ST14: variants seen among roughly 807,000 people sequenced by gnomAD.
ST14 encodes suppressor of tumorigenicity 14 protein.
ST14 carries 40 observed loss-of-function variants against 96.5 expected under a neutral mutation model. The ratio of observed to expected loss-of-function variants is 0.41; its 90% CI spans 0.32 to 0.54. The LOEUF is 0.54. Ranked by LOEUF, ST14 falls within the 20% of genes least tolerant of loss-of-function variation. The pLI is 0.17. For missense variants in ST14, 1,066 were observed against 1,188.9 expected (o/e 0.90, Z 1.52); for synonymous variants, 506 against 492.1 (o/e 1.03, Z -0.37).
chr11:130,196,618 G>C lies in ST14; in HGVS notation c.1272G>C (p.Lys424Asn). 6.2e-7 allele frequency: 1 copy of C among 1,611,812 alleles called. No individual in the cohort carries two copies. The highest frequency in any genetic ancestry group is 1.1e-5 in the South Asian group (1 of 91,020). Reference sequence around the variant, plus strand: ...TCGTCGTCACCAGCAACAGCAACAAGATCACAGTTCGCTTCCACTCAGATC... The same window carrying C: ...TCGTCGTCACCAGCAACAGCAACAACATCACAGTTCGCTTCCACTCAGATC... Reference protein sequence around the residue: ...SQFVVTSNSNKITVRFHSDQS... With the variant: ...SQFVVTSNSNNITVRFHSDQS... Residue 424 changes from lysine to asparagine, a missense_variant, in exon 11 of 19, where the codon AAG (lysine) becomes AAC (asparagine). By Grantham distance (94) the Lys-to-Asn change is moderately conservative. Coordinates refer to ENST00000278742, the MANE Select transcript of ST14 (RefSeq NM_021978.4).
At chr11:130,179,901 G>A (rs1019664720) in intron 1 of ST14, among the ~76,000 whole-genome samples, 2 of 152,150 alleles carry the variant, frequency 1.3e-5, no homozygotes, top group Non-Finnish European at 2.9e-5. Flanking sequence ...GTGCTGGCTC[G>A]GTCTTTCCCT....
chr11:130,198,067 G>T, intron 12 of ST14, 122 bp downstream of exon 12: 1 of 1,077,654 alleles, frequency 9.3e-7, no homozygotes. Context: ...TTTGCTCTCG[G>T]CCCTGTGTAG....
intron 1 of ST14, among the ~76,000 whole-genome samples, chr11:130,165,653 G>C (rs183167237): frequency 6.6e-6 from 1 of 152,260 alleles, no homozygotes; most frequent in Admixed American, 6.5e-5. Context: ...GTGGTGGTGG[G>C]GATGATGATG....
In ST14 at chr11:130,188,657, G is replaced by A. The variant is rs951566005; in HGVS notation, c.369G>A (p.Ala123=). The A allele has an allele frequency of 3.1e-6, 5 of 1,614,182 alleles. No homozygotes were observed. In the East Asian group the frequency reaches 6.7e-5, roughly 22 times the overall value. ...FVSLASKVKD[A]LKLLYSGVPF... is the part of the protein sequence containing the mutation. ...GCCTGGCCAGCAAGGTGAAGGACGC[G>A]GTGAGTGCAGCCTGCCCAGAGTCCT... The change falls in exon 3 of 19, where the codon GCG becomes GCA. Residue 123 remains alanine (A), a splice_region_variant and synonymous_variant. Transcript: ENST00000278742. This position sits in a 1 kb window ranked among gnomAD's most constrained non-coding sequence, Gnocchi z 5.4.
In ST14 at chr11:130,187,918, A is replaced by C. The variant is rs1413405030; in HGVS notation, c.82-196A>C. ...GCCGACCTCATGTTCCTCCCAGAGC[A>C]TGCCCAGGGTTCATGTCCCGGGGTC... On this transcript the variant is annotated intron_variant, in intron 1 of 18. Transcript: ENST00000278742. The surrounding 1 kb of genome is among the most constrained non-coding windows in gnomAD (Gnocchi z 4.5). 6.6e-6 allele frequency among the ~76,000 whole-genome samples: 1 copy of C among 152,212 alleles called. No homozygotes were observed. The highest frequency in any genetic ancestry group is 1.5e-5 in the Non-Finnish European group (1 of 68,044).
Position 130,200,115 on chromosome 11 carries a change from T to C in ST14, c.1972T>C (p.Tyr658His). 2 of 1,614,158 alleles carry C rather than the reference T, an allele frequency of 1.2e-6. No homozygotes were observed. The highest frequency in any genetic ancestry group is 1.7e-6 in the Non-Finnish European group (2 of 1,180,030). ...CTGGCTGGTCTCTGCCGCACACTGC[T>C]ACATCGATGACAGAGGATTCAGGTG... Reference protein sequence around the residue: ...PNWLVSAAHCYIDDRGFRYSD... With the variant: ...PNWLVSAAHCHIDDRGFRYSD... The change falls in exon 16 of 19, where the codon TAC (tyrosine) becomes CAC (histidine). Residue 658 changes from tyrosine to histidine, a missense_variant. By Grantham distance (83) the Tyr-to-His change is moderately conservative. Transcript: ENST00000278742.
At chr11:130,203,283 C>T (rs1038629201) in intron 16 of ST14, among the ~76,000 whole-genome samples, 1 of 152,158 alleles carries the variant, frequency 6.6e-6, no homozygotes, top group African/African-American at 2.4e-5. Context: ...TCCCATGAGA[C>T]CCTTTCAGCT....
At chr11:130,173,634 A>G (rs1032581725) in intron 1 of ST14, among the ~76,000 whole-genome samples, 1 of 152,096 alleles carries the variant, frequency 6.6e-6, no homozygotes, top group African/African-American at 2.4e-5. Flanking sequence ...CAACAAAAAA[A>G]ATGAAAGACC....
chr11:130,191,411 C>G (rs71483609), intron 7 of ST14, among the ~76,000 whole-genome samples: 9 of 152,064 alleles, frequency 5.9e-5, no homozygotes, highest in African/African-American at 1.9e-4. Context: ...TTTTATGGGC[C>G]GGGCATGGTG....
In ST14 at chr11:130,198,980, G is replaced by A. The variant is rs745700341; in HGVS notation, c.1718G>A (p.Arg573His). The A allele has an allele frequency of 4.0e-5, 64 of 1,614,044 alleles. 2 individuals are homozygous for A. In the South Asian group the frequency reaches 4.7e-4, roughly 12 times the overall value. The part of the protein sequence containing the change: ...NVVTCTKHTY[R>H]CLNGLCLSKG... Reference sequence around the variant, plus strand: ...GTCACTTGTACCAAACACACCTACCGCTGCCTCAATGGGCTCTGCTTGAGC... The same window carrying A: ...GTCACTTGTACCAAACACACCTACCACTGCCTCAATGGGCTCTGCTTGAGC... The change falls in exon 15 of 19, where the codon CGC (arginine) becomes CAC (histidine). Residue 573 changes from arginine (R) to histidine (H), a missense_variant. Arg to His is a conservative substitution (Grantham distance 29). Coordinates refer to ENST00000278742, the MANE Select transcript of ST14 (RefSeq NM_021978.4).
chr11:130,190,823 C>A, intron 7 of ST14, 129 bp downstream of exon 7: 2 of 1,244,152 alleles, frequency 1.6e-6, no homozygotes, highest in Non-Finnish European at 2.2e-6. Context: ...ATCCAGGCAG[C>A]AGGAGGCACG....
At chr11:130,186,245 GTA>G (rs1254797078) in intron 1 of ST14, among the ~76,000 whole-genome samples, 1 of 152,218 alleles carries the variant, frequency 6.6e-6, no homozygotes, top group Non-Finnish European at 1.5e-5. Context: ...TTCTCAGAAA[GTA>G]TATGTTCATC....
chr11:130,207,226 G>A (rs187038837), intron 16 of ST14, among the ~76,000 whole-genome samples: 23 of 152,322 alleles, frequency 1.5e-4, no homozygotes, highest in African/African-American at 5.1e-4. Flanking sequence ...GGGTGCTGCT[G>A]GAGACAGTAT....
intron 7 of ST14, 111 bp from the exon 8 acceptor site, chr11:130,194,038 C>A (rs935262521): frequency 2.1e-5 from 30 of 1,416,644 alleles, no homozygotes; most frequent in Non-Finnish European, 3.0e-5. Context: ...GTGGATGGGA[C>A]CAGAGTTAGG....
At chr11:130,200,796 A>G (rs1953419391) in intron 16 of ST14, among the ~76,000 whole-genome samples, 1 of 152,242 alleles carries the variant, frequency 6.6e-6, no homozygotes, top group Non-Finnish European at 1.5e-5. Context: ...TACAGAAAGT[A>G]AGGTTCAGAG....
chr11:130,190,397 C>T, intron 6 of ST14, 57 bp from the exon 7 acceptor site: 1 of 1,600,326 alleles, frequency 6.2e-7, no homozygotes, highest in Non-Finnish European at 8.5e-7. Context: ...CAGGGTCCTC[C>T]CCCAGCTCTG....
chr11:130,190,504 A>G lies in ST14; in HGVS notation c.685A>G (p.Thr229Ala). The G allele has an allele frequency of 6.2e-7, 1 of 1,609,164 alleles. No homozygotes were observed. Among genetic ancestry groups the G allele is most frequent in the Non-Finnish European group, 8.5e-7 (1 of 1,179,854 alleles). ...CCGCGGTGTGGAGCTGATGCGCTTC[A>G]CCACGCCCGGCTTCCCTGACAGCCC... ...HARGVELMRFTTPGFPDSPYP... is the reference protein window; with the variant it reads ...HARGVELMRFATPGFPDSPYP... Residue 229 changes from threonine to alanine, a missense_variant, in exon 7 of 19, where the codon ACC (threonine) becomes GCC (alanine). Thr to Ala is a moderately conservative substitution (Grantham distance 58). Coordinates refer to ENST00000278742, the MANE Select transcript of ST14 (RefSeq NM_021978.4).
intron 7 of ST14, 54 bp downstream of exon 7, chr11:130,190,748 G>A (rs1257218749): frequency 6.6e-7 from 1 of 1,516,870 alleles, no homozygotes; most frequent in African/African-American, 1.4e-5. Flanking sequence ...CTGCCCTGTA[G>A]GGGGCCAGCT....
chr11:130,164,315 C>T (rs1195091752), intron 1 of ST14, among the ~76,000 whole-genome samples: 1 of 152,176 alleles, frequency 6.6e-6, no homozygotes, highest in Non-Finnish European at 1.5e-5. Context: ...ATTGAACTAA[C>T]TGTGTACCTA....
Sources: allele counts gnomAD v4.1 joint callset (sites outside exome capture counted in the v4.1 genomes callset), GRCh38; gene constraint gnomAD v4.1.1; non-coding constraint Gnocchi (gnomAD v3.1); transcripts MANE v1.5; gene names NCBI Gene and HGNC (gene_info 2026-07-23, HGNC 2026-07-21).